The following EDA variants were observed in gnomAD, a reference collection of about 807,000 sequenced individuals.
The protein encoded by EDA is ectodysplasin-A.
In EDA, 2 loss-of-function variants were observed where a neutral mutation model predicts 23.6. The ratio of observed to expected loss-of-function variants is 0.08; its 90% CI spans 0.03 to 0.27. The LOEUF (loss-of-function observed/expected upper bound fraction) is 0.27. EDA is among the 10% of genes least tolerant of loss of function. The pLI, the probability that EDA is intolerant of heterozygous loss-of-function variation, is 1.00. For synonymous variants in EDA, 131 were observed against 132.0 expected (o/e 0.99, Z 0.05); for missense variants, 229 against 324.2 (o/e 0.71, Z 2.26).
chrX:69,661,894 A>G (rs947138553), intron 1 of EDA, among the ~76,000 whole-genome samples: 6 of 112,229 alleles, frequency 5.3e-5, no homozygotes, highest in African/African-American at 1.9e-4. Flanking sequence ...ATACATATAC[A>G]TAGTAAAAAG....
chrX:69,997,126 T>C (rs1257386824), intron 2 of EDA, among the ~76,000 whole-genome samples: 2 of 111,996 alleles, frequency 1.8e-5, no homozygotes, highest in Middle Eastern at 4.6e-3. Context: ...CAGGCAGAAG[T>C]TGGAACAGTT....
chrX:69,858,273 T>C (rs755164456), intron 1 of EDA, among the ~76,000 whole-genome samples: 4 of 111,612 alleles, frequency 3.6e-5, no homozygotes, highest in African/African-American at 6.5e-5. Context: ...CTATGATGAA[T>C]AGGAGTCAAG....
At chrX:69,851,762 C>T (rs930443270) in intron 1 of EDA, among the ~76,000 whole-genome samples, 120 of 112,024 alleles carry the variant, frequency 1.1e-3, no homozygotes, top group African/African-American at 3.8e-3. Flanking sequence ...TATAGTCCAA[C>T]ACAGTGATTC....
At chrX:69,947,342 T>C (rs1353239850) in intron 1 of EDA, among the ~76,000 whole-genome samples, 1 of 112,325 alleles carries the variant, frequency 8.9e-6, no homozygotes, top group African/African-American at 3.2e-5. Flanking sequence ...AGCTGCTACT[T>C]GTAGAGCCTG....
At chrX:69,988,813 G>A (rs778694028) in intron 2 of EDA, among the ~76,000 whole-genome samples, 12 of 110,773 alleles carry the variant, frequency 1.1e-4, no homozygotes, top group Admixed American at 2.9e-4. Flanking sequence ...CCAAGATTGC[G>A]CCACTGCACT....
chrX:69,851,133 C>T (rs2017114768), intron 1 of EDA, among the ~76,000 whole-genome samples: 1 of 101,442 alleles, frequency 9.9e-6, no homozygotes, highest in South Asian at 4.6e-4. Context: ...TACACCAAAA[C>T]GTCACAAAAT....
chrX:69,821,541 T>C (rs1468160741), intron 1 of EDA, among the ~76,000 whole-genome samples: 7 of 112,438 alleles, frequency 6.2e-5, no homozygotes, highest in African/African-American at 1.9e-4. Flanking sequence ...CTAATAATAA[T>C]TTAAAAGTAC....
At chrX:69,770,227 T>C (rs776879516) in intron 1 of EDA, among the ~76,000 whole-genome samples, 2 of 112,181 alleles carry the variant, frequency 1.8e-5, no homozygotes, top group Admixed American at 9.5e-5. Context: ...TAAATATAAG[T>C]TTCCATTTCC....
At chrX:69,768,631 C>T (rs1263746884) in intron 1 of EDA, among the ~76,000 whole-genome samples, 1 of 111,413 alleles carries the variant, frequency 9.0e-6, no homozygotes, top group Admixed American at 9.5e-5. Flanking sequence ...TAACATATGT[C>T]CTCCATAATT....
At chrX:69,885,692 G>T (rs2017816738) in intron 1 of EDA, among the ~76,000 whole-genome samples, 1 of 111,628 alleles carries the variant, frequency 9.0e-6, no homozygotes, top group Admixed American at 9.5e-5. Flanking sequence ...CAGAACCCAA[G>T]ACTTAGGAAG....
At chrX:69,643,449 G>C (rs1451776207) in intron 1 of EDA, among the ~76,000 whole-genome samples, 3 of 110,631 alleles carry the variant, frequency 2.7e-5, no homozygotes, top group African/African-American at 9.9e-5. Context: ...AGAGTTGTTT[G>C]TTTGTTTATT....
chrX:69,974,048 A>G (rs766102481), intron 2 of EDA, among the ~76,000 whole-genome samples: 19 of 109,073 alleles, frequency 1.7e-4, no homozygotes, highest in Non-Finnish European at 2.1e-4. Context: ...TATTAGGAAT[A>G]TATACAAATG....
At chrX:69,664,262 G>A (rs968585452) in intron 1 of EDA, among the ~76,000 whole-genome samples, 3 of 111,468 alleles carry the variant, frequency 2.7e-5, no homozygotes, top group African/African-American at 9.8e-5. Flanking sequence ...TGTCATGGGA[G>A]GGACCCTGTA....
intron 1 of EDA, among the ~76,000 whole-genome samples, chrX:69,689,711 C>T (rs182734942): frequency 1.7e-4 from 19 of 111,061 alleles, no homozygotes; most frequent in African/African-American, 5.9e-4. Context: ...TTAAGATCAG[C>T]CTGTATTTTG....
chrX:69,742,394 G>A (rs1427021598), intron 1 of EDA, among the ~76,000 whole-genome samples: 1 of 111,691 alleles, frequency 9.0e-6, no homozygotes, highest in East Asian at 2.8e-4. Flanking sequence ...ACTGATCTGG[G>A]GAAATAGAGA....
intron 1 of EDA, among the ~76,000 whole-genome samples, chrX:69,782,884 A>G (rs967695545): frequency 8.9e-6 from 1 of 111,949 alleles, no homozygotes; most frequent in Non-Finnish European, 1.9e-5. Flanking sequence ...GGTAACTAAC[A>G]TGTGGTGTTT....
intron 1 of EDA, among the ~76,000 whole-genome samples, chrX:69,713,541 A>G (rs756195341): frequency 1.8e-5 from 2 of 111,591 alleles, no homozygotes; most frequent in African/African-American, 6.5e-5. Context: ...CCCCATGTCT[A>G]ACCCCTGGCA....
chrX:70,017,459 T>C (rs920618164), intron 2 of EDA, among the ~76,000 whole-genome samples: 4 of 111,822 alleles, frequency 3.6e-5, no homozygotes, highest in Non-Finnish European at 7.5e-5. Context: ...AACACAATAC[T>C]AGCAAACTGA....
intron 1 of EDA, among the ~76,000 whole-genome samples, chrX:69,771,950 C>A (rs188720473): frequency 1.3e-3 from 143 of 111,544 alleles, no homozygotes; most frequent in Non-Finnish European, 2.4e-3. Flanking sequence ...TTATCAAATG[C>A]TTTTTAATTT....
Sources: gnomAD v4.1 joint callset for allele counts (sites outside exome capture counted in the v4.1 genomes callset) on GRCh38, gnomAD v4.1.1 for gene constraint, MANE v1.5 for transcripts, NCBI Gene and HGNC (gene_info 2026-07-23, HGNC 2026-07-21) for gene names.